Variants in GIGYF2 observed in about 807,000 individuals in gnomAD.
GIGYF2 encodes GRB10-interacting GYF protein 2.
In GIGYF2, 25 loss-of-function variants were observed where a neutral mutation model predicts 208.1. The observed-to-expected ratio is 0.12, with a 90% CI of 0.09 to 0.17. GIGYF2 has a LOEUF of 0.17. GIGYF2 is among the 10% of genes least tolerant of loss of function. GIGYF2 has a pLI of 1.00. For missense variants in GIGYF2, 1,302 were observed against 1,579.4 expected, an observed-to-expected ratio of 0.82 and a Z score of 2.98; for synonymous variants, 534 against 543.8, an observed-to-expected ratio of 0.98 and a Z score of 0.25.
At chr2:232,760,732 A>G (rs1172470362) in intron 7 of GIGYF2, 141 bp downstream of exon 7, 2 of 629,160 alleles carry the variant, frequency 3.2e-6, no homozygotes, top group East Asian at 5.6e-5. Context: ...ATCAAGTTGT[A>G]CATTAGAAAT....
rs1690699749 is a variant in GIGYF2, at chr2:232,859,541, T to A, written c.*2681T>A. ...CAGATTGGTGTGCTGGTGGCTGCTG[T>A]GCATAACAGATTCCCTCCAGATTGG... On this transcript the variant is annotated 3_prime_UTR_variant, in exon 29 of 29. Transcript: ENST00000373563. 1.3e-5 allele frequency: 2 copies of A among 152,254 alleles called. No homozygotes were observed. The highest frequency in any genetic ancestry group is 2.9e-5 in the Non-Finnish European group (2 of 68,106). The allele number at this position is 152,254 out of a possible 1,614,324, so 9.4% of individuals were successfully genotyped here.
Position 232,794,814 on chromosome 2 carries a change from T to C in GIGYF2, c.1349T>C (p.Ile450Thr). Reference sequence around the variant, plus strand: ...TCAGATACAGCCTCTCCTCTTCTCATACTTCCACCTCCTGTTCCCAATCCT... The same window carrying C: ...TCAGATACAGCCTCTCCTCTTCTCACACTTCCACCTCCTGTTCCCAATCCT... ...IPSDTASPLL[I>T]LPPPVPNPSP... Residue 450 changes from isoleucine to threonine, a missense_variant, in exon 13 of 29, where the codon ATA becomes ACA. Physicochemically the swap from Ile to Thr is moderately conservative, Grantham distance 89. Transcript: ENST00000373563. The C allele has an allele frequency of 6.2e-7, 1 of 1,613,900 alleles. No homozygotes were observed. Among genetic ancestry groups the C allele is most frequent in the Non-Finnish European group, 8.5e-7 (1 of 1,179,796 alleles).
At chr2:232,703,994 G>A (rs1174900955) in intron 2 of GIGYF2, among the ~76,000 whole-genome samples, 1 of 152,160 alleles carries the variant, frequency 6.6e-6, no homozygotes, top group Non-Finnish European at 1.5e-5. Context: ...ATGAACTTAG[G>A]CTCTAGTGCC....
chr2:232,729,910 CT>C, intron 2 of GIGYF2: 1 of 737,744 alleles, frequency 1.4e-6, no homozygotes. Flanking sequence ...TCATCATCAT[CT>C]TTACTATCTT....
intron 2 of GIGYF2, among the ~76,000 whole-genome samples, chr2:232,725,354 A>AG (rs1310191360): frequency 6.6e-6 from 1 of 152,188 alleles, no homozygotes; most frequent in African/African-American, 2.4e-5. Context: ...AAAAGATCCT[A>AG]GGTCTTTCTT....
At chr2:232,794,141 C>T (rs1368421319) in intron 12 of GIGYF2, among the ~76,000 whole-genome samples, 1 of 152,170 alleles carries the variant, frequency 6.6e-6, no homozygotes, top group African/African-American at 2.4e-5. Context: ...CTTCCATCCC[C>T]CTTTTCCTTC....
At chr2:232,816,596 C>T (rs1700918393) in intron 19 of GIGYF2, among the ~76,000 whole-genome samples, 1 of 152,172 alleles carries the variant, frequency 6.6e-6, no homozygotes, top group African/African-American at 2.4e-5. Context: ...TAAAATTCTT[C>T]TAATTACTGT....
intron 14 of GIGYF2, among the ~76,000 whole-genome samples, chr2:232,805,677 A>G (rs996175703): frequency 1.3e-5 from 2 of 152,180 alleles, no homozygotes; most frequent in African/African-American, 4.8e-5. Context: ...AAAACAGGGA[A>G]TTCACGATCA....
At chr2:232,738,712 T>G (rs934113054) in intron 3 of GIGYF2, among the ~76,000 whole-genome samples, 3 of 152,198 alleles carry the variant, frequency 2.0e-5, no homozygotes, top group African/African-American at 7.2e-5. Flanking sequence ...GTTTTTAATG[T>G]TTTGCTATTG....
intron 8 of GIGYF2, chr2:232,771,162 G>A (rs963732090): frequency 6.2e-7 from 1 of 1,614,060 alleles, no homozygotes; most frequent in Non-Finnish European, 8.5e-7. Context: ...AGACAAGCCA[G>A]TGGACAACAA....
At chr2:232,828,673 G>A in intron 21 of GIGYF2, 1 of 152,088 alleles carries the variant, frequency 6.6e-6, no homozygotes, top group East Asian at 1.9e-4. Context: ...ATGGTAGTGG[G>A]TTATCAGAAT....
chr2:232,847,536 C>T lies in GIGYF2; in HGVS notation c.3649C>T (p.Pro1217Ser). 1 of 1,601,630 alleles carries T rather than the reference C, an allele frequency of 6.2e-7. No homozygotes were observed. Residue 1217 changes from proline (P) to serine (S), a missense_variant, in exon 27 of 29, where the codon CCG (proline) becomes TCG (serine). By Grantham distance (74) the Pro-to-Ser change is moderately conservative. This residue lies in a region of GIGYF2 where 701 missense variants were observed against 793.0 expected (regional missense o/e 0.88). Transcript: ENST00000373563. ...GCTGCCACAGCAGCAGCAGCAGCAGCCGCCACAGCAGCCGCCACAGCAGCC... is the reference window on the plus strand; with the variant it reads ...GCTGCCACAGCAGCAGCAGCAGCAGTCGCCACAGCAGCCGCCACAGCAGCC... ...QQLPQQQQQQ[P>S]PQQPPQQPQQ...
intron 27 of GIGYF2, 21 bp downstream of exon 27, chr2:232,847,592 T>C (rs770577018): frequency 6.2e-7 from 1 of 1,611,786 alleles, no homozygotes; most frequent in Non-Finnish European, 8.5e-7. Context: ...GTGTGGTGTA[T>C]GCGGTACCTC....
At chr2:232,704,304 C>G (rs1172114746) in intron 2 of GIGYF2, among the ~76,000 whole-genome samples, 1 of 152,200 alleles carries the variant, frequency 6.6e-6, no homozygotes, top group Non-Finnish European at 1.5e-5. Context: ...TTCGATTTAT[C>G]TGTTCTAAAG....
chr2:232,783,948 A>G (rs1163274372), intron 8 of GIGYF2, among the ~76,000 whole-genome samples: 1 of 152,162 alleles, frequency 6.6e-6, no homozygotes. Context: ...TCGGCCTCCC[A>G]AAGTGCAGGG....
chr2:232,726,214 C>G (rs909689211), intron 2 of GIGYF2, among the ~76,000 whole-genome samples: 1 of 151,942 alleles, frequency 6.6e-6, no homozygotes, highest in South Asian at 2.1e-4. Flanking sequence ...ACTAAAAATA[C>G]AAAAATTATC....
At position 232,784,490 on chromosome 2, in the gene GIGYF2, T is replaced by C. The variant is rs372163490; in HGVS notation, c.533-2660T>C. On this transcript the variant is annotated intron_variant, in intron 8 of 28. Transcript: ENST00000373563. ...CTGCAAGCTCCACCTCCCAGGTTCATGCCATTCTCCTGCCTCAGCCTCCTG... is the reference window on the plus strand; with the variant it reads ...CTGCAAGCTCCACCTCCCAGGTTCACGCCATTCTCCTGCCTCAGCCTCCTG... Among the ~76,000 whole-genome samples the C allele has an allele frequency of 2.6e-3, 357 of 139,918 alleles. 1 individual carries two copies. The highest frequency in any genetic ancestry group is 8.2e-3 in the African/African-American group (311 of 37,822). The allele number at this position is 139,918 out of a possible 152,430, so 91.8% of individuals were successfully genotyped here.
intron 5 of GIGYF2, among the ~76,000 whole-genome samples, chr2:232,752,387 C>T (rs141690167): frequency 1.2e-3 from 187 of 152,144 alleles, no homozygotes; most frequent in African/African-American, 4.3e-3. Flanking sequence ...ACCTGAAATA[C>T]GTATTTTTAA....
At chr2:232,732,239 G>T (rs1317311002) in intron 2 of GIGYF2, among the ~76,000 whole-genome samples, 12 of 152,176 alleles carry the variant, frequency 7.9e-5, no homozygotes, top group Admixed American at 7.9e-4. Flanking sequence ...GTACTTCAGG[G>T]CTGCTGCATG....
Sources: allele counts gnomAD v4.1 joint callset (sites outside exome capture counted in the v4.1 genomes callset), GRCh38; gene constraint gnomAD v4.1.1; regional missense constraint gnomAD v4.1.1; transcripts MANE v1.5; gene names NCBI Gene and HGNC (gene_info 2026-07-23, HGNC 2026-07-21).